KIAA0586: variants seen among roughly 807,000 people sequenced by gnomAD.
KIAA0586 encodes the protein KIAA0586, also known as protein TALPID3.
In KIAA0586, 144 loss-of-function variants were observed where a neutral mutation model predicts 169.8. The observed-to-expected ratio is 0.85, with a 90% CI of 0.74 to 0.97. KIAA0586 has a LOEUF of 0.97. Among genes scored for constraint, KIAA0586 ranks in the 50% least tolerant of loss-of-function variants. The probability of loss-of-function intolerance (pLI) is 0.00; values close to 1 mark genes in which losing one functional copy is unlikely to be tolerated. For synonymous variants in KIAA0586, 625 were observed against 612.4 expected, an observed-to-expected ratio of 1.02 and a Z score of -0.30; for missense variants, 1,854 against 1,823.0, an observed-to-expected ratio of 1.02 and a Z score of -0.31.
At chr14:58,429,514 T>C in intron 2 of KIAA0586, 81 bp downstream of exon 2, 1 of 810,210 alleles carries the variant, frequency 1.2e-6, no homozygotes, top group Non-Finnish European at 2.2e-6. Context: ...TATGTTTGAT[T>C]AGCAGCATGC....
At chr14:58,467,122 C>T (rs937990744) in intron 15 of KIAA0586, among the ~76,000 whole-genome samples, 1 of 152,236 alleles carries the variant, frequency 6.6e-6, no homozygotes, top group Admixed American at 6.5e-5. Flanking sequence ...AACATAATAG[C>T]TCTCTGTTTA....
At chr14:58,448,071 A>G (rs1380723358) in intron 6 of KIAA0586, among the ~76,000 whole-genome samples, 1 of 152,190 alleles carries the variant, frequency 6.6e-6, no homozygotes, top group Non-Finnish European at 1.5e-5. Context: ...TGTCTGTGGT[A>G]GAAAGGACAG....
chr14:58,513,047 C>T (rs1031571822), intron 29 of KIAA0586, among the ~76,000 whole-genome samples: 1 of 152,042 alleles, frequency 6.6e-6, no homozygotes, highest in Non-Finnish European at 1.5e-5. Context: ...GCAATTGCCT[C>T]TCATATTACA....
intron 26 of KIAA0586, among the ~76,000 whole-genome samples, chr14:58,496,617 T>G (rs943531839): frequency 1.3e-5 from 2 of 152,162 alleles, no homozygotes; most frequent in Non-Finnish European, 2.9e-5. Context: ...GAGATAGAGA[T>G]GTACATAGGA....
At chr14:58,533,640 C>A (rs2046116532) in intron 29 of KIAA0586, among the ~76,000 whole-genome samples, 1 of 152,168 alleles carries the variant, frequency 6.6e-6, no homozygotes, top group African/African-American at 2.4e-5. Flanking sequence ...TCTCTATATC[C>A]TGACACTTCA....
chr14:58,446,533 A>G (rs1231110248), intron 6 of KIAA0586, among the ~76,000 whole-genome samples: 6 of 151,996 alleles, frequency 3.9e-5, no homozygotes, highest in Non-Finnish European at 7.4e-5. Flanking sequence ...GTGTGTGTGT[A>G]TATATATACA....
At chr14:58,516,439 G>A (rs1351349241) in intron 29 of KIAA0586, among the ~76,000 whole-genome samples, 1 of 152,210 alleles carries the variant, frequency 6.6e-6, no homozygotes, top group Admixed American at 6.5e-5. Flanking sequence ...TGGCGGAGAA[G>A]AAGGAAATAG....
At chr14:58,557,386 T>A in the KIAA0586 span, among the ~76,000 whole-genome samples, 5 of 152,160 alleles carry the variant, frequency 3.3e-5, no homozygotes, top group African/African-American at 1.2e-4. Context: ...AAGGATTTCA[T>A]CATCAGTGAG....
intron 26 of KIAA0586, among the ~76,000 whole-genome samples, chr14:58,497,862 T>C (rs899755544): frequency 3.9e-5 from 5 of 128,412 alleles, no homozygotes; most frequent in African/African-American, 1.5e-4. Flanking sequence ...CAGCATTTAG[T>C]GGTTTTGATT....
intron 27 of KIAA0586, among the ~76,000 whole-genome samples, chr14:58,499,415 G>A (rs767657936): frequency 2.0e-5 from 3 of 151,622 alleles, no homozygotes; most frequent in Non-Finnish European, 2.9e-5. Flanking sequence ...ACCACGCCTG[G>A]CTAATTTTTT....
At chr14:58,558,055 G>A in the KIAA0586 span, among the ~76,000 whole-genome samples, 1 of 151,664 alleles carries the variant, frequency 6.6e-6, no homozygotes, top group South Asian at 2.1e-4. Flanking sequence ...GACTACAGGT[G>A]CGTGCCACGA....
chr14:58,542,402 G>T (rs558413751), intron 30 of KIAA0586, among the ~76,000 whole-genome samples: 23 of 152,042 alleles, frequency 1.5e-4, no homozygotes, highest in African/African-American at 5.5e-4. Flanking sequence ...GCTTGATCCC[G>T]GGAGGTGGAG....
chr14:58,458,438 G>A (rs200603101), intron 11 of KIAA0586, 35 bp from the exon 12 acceptor site: 2 of 1,188,292 alleles, frequency 1.7e-6, no homozygotes, highest in Non-Finnish European at 2.4e-6. Flanking sequence ...GACAGTAAGT[G>A]CTAATTTAAG....
chr14:58,467,584 A>G (rs2040865904), intron 15 of KIAA0586, 151 bp from the exon 16 acceptor site: 1 of 562,580 alleles, frequency 1.8e-6, no homozygotes, highest in Non-Finnish European at 3.1e-6. Flanking sequence ...TATGGTGAGT[A>G]TGTCGACAGT....
At position 58,490,687 on chromosome 14, in the gene KIAA0586, T is replaced by C. The variant is rs193229783; in HGVS notation, c.3858+447T>C. 2.6e-5 allele frequency among the ~76,000 whole-genome samples: 4 copies of C among 152,206 alleles called. No individual in the cohort carries two copies. The South Asian group carries it at 6.2e-4, about 24-fold the overall frequency. The stretch of plus-strand genomic sequence containing the variant: ...AATGAGGTCCAGGGATGTTAACCCT[T>C]TCTAGTTTTTATCTAGCTCTGTAGA... On this transcript the variant is annotated intron_variant, in intron 25 of 30. Transcript: ENST00000652326.
chr14:58,490,190 A>T lies in KIAA0586; in HGVS notation c.3808A>T (p.Thr1270Ser). 6.5e-7 allele frequency: 1 copy of T among 1,530,242 alleles called. No homozygotes were observed. The highest frequency in any genetic ancestry group is 8.9e-7 in the Non-Finnish European group (1 of 1,128,822). 94.8% of individuals were successfully genotyped at this position (1,530,242 alleles called of 1,614,324 possible). Residue 1270 changes from threonine (T) to serine (S), a missense_variant, in exon 25 of 31, where the codon ACA becomes TCA. By Grantham distance (58) the Thr-to-Ser change is moderately conservative. Coordinates refer to ENST00000652326, the MANE Select transcript of KIAA0586 (RefSeq NM_001329943.3). Reference sequence around the variant, plus strand: ...TTTAGAAGATATAGGACTGTACCTGACAAACCTTAATGATAGCTTATCCAG... The same window carrying T: ...TTTAGAAGATATAGGACTGTACCTGTCAAACCTTAATGATAGCTTATCCAG... ...KILEDIGLYL[T>S]NLNDSLSSTL... is the part of the protein sequence containing the mutation.
At chr14:58,521,271 C>T (rs1051975999) in intron 29 of KIAA0586, 13 of 1,140,476 alleles carry the variant, frequency 1.1e-5, no homozygotes, top group East Asian at 6.1e-5. Flanking sequence ...CATGAACTCC[C>T]GTGTGTTCAT....
intron 14 of KIAA0586, among the ~76,000 whole-genome samples, chr14:58,462,585 G>A (rs901694779): frequency 6.6e-6 from 1 of 152,160 alleles, no homozygotes; most frequent in Non-Finnish European, 1.5e-5. Flanking sequence ...TATATGGGGG[G>A]TTTTGAAAGT....
chr14:58,548,016 T>A lies in KIAA0586; in HGVS notation c.*84T>A. On this transcript the variant is annotated 3_prime_UTR_variant, in exon 31 of 31. Coordinates refer to ENST00000652326, the MANE Select transcript of KIAA0586 (RefSeq NM_001329943.3). ...GGCTTAAAACCCTCTCTCAGACTGT[T>A]TGGTTTTTGAGCATATTCTGAAAAA... 6.9e-7 allele frequency: 1 copy of A among 1,455,156 alleles called. No individual in the cohort carries two copies. The highest frequency in any genetic ancestry group is 9.2e-7 in the Non-Finnish European group (1 of 1,084,186). 90.1% of individuals were successfully genotyped at this position (1,455,156 alleles called of 1,614,324 possible).
Sources: allele counts gnomAD v4.1 joint callset (sites outside exome capture counted in the v4.1 genomes callset), GRCh38; gene constraint gnomAD v4.1.1; transcripts MANE v1.5; gene names NCBI Gene and HGNC (gene_info 2026-07-23, HGNC 2026-07-21).